Variants in PCSK1 observed in about 807,000 individuals in gnomAD.
The protein encoded by PCSK1 is proprotein convertase subtilisin/kexin type 1, also known as neuroendocrine convertase 1.
A neutral mutation model predicts 90.6 loss-of-function variants in PCSK1; 56 were observed. The ratio of observed to expected loss-of-function variants is 0.62; its 90% CI spans 0.50 to 0.77. PCSK1 has a LOEUF of 0.77. Among genes scored for constraint, PCSK1 ranks in the 30% least tolerant of loss-of-function variants. The probability of loss-of-function intolerance (pLI) is 0.00; values close to 1 mark genes in which losing one functional copy is unlikely to be tolerated. For missense variants in PCSK1, 801 were observed against 932.6 expected (o/e 0.86, Z 1.84); for synonymous variants, 348 against 342.4 (o/e 1.02, Z -0.18).
intron 3 of PCSK1, among the ~76,000 whole-genome samples, chr5:96,424,273 TG>T (rs1761215365): frequency 1.3e-5 from 2 of 152,150 alleles, no homozygotes; most frequent in African/African-American, 4.8e-5. Context: ...ATAAAGAGGT[TG>T]GGGGGTGGGG....
chr5:96,407,629 C>G (rs1760617312), intron 9 of PCSK1, among the ~76,000 whole-genome samples: 1 of 152,164 alleles, frequency 6.6e-6, no homozygotes, highest in East Asian at 1.9e-4. Flanking sequence ...GAGATGACAA[C>G]TAATATTTAC....
At chr5:96,430,660 G>A (rs777325221) in intron 1 of PCSK1, among the ~76,000 whole-genome samples, 3 of 152,168 alleles carry the variant, frequency 2.0e-5, no homozygotes, top group South Asian at 4.1e-4. Context: ...GAAATAAGCA[G>A]AACCAGGAAC....
At chr5:96,426,517 C>T (rs1761312919) in intron 2 of PCSK1, among the ~76,000 whole-genome samples, 1 of 152,180 alleles carries the variant, frequency 6.6e-6, no homozygotes. Context: ...ATGAGCACTA[C>T]TGACCACGCA....
chr5:96,413,569 G>A (rs1353359487), intron 6 of PCSK1, among the ~76,000 whole-genome samples: 1 of 152,140 alleles, frequency 6.6e-6, no homozygotes, highest in East Asian at 1.9e-4. Context: ...GGAGGCCGAG[G>A]TGGGTGGATC....
At chr5:96,429,987 C>T (rs1012058817) in intron 1 of PCSK1, among the ~76,000 whole-genome samples, 1 of 152,164 alleles carries the variant, frequency 6.6e-6, no homozygotes, top group African/African-American at 2.4e-5. Context: ...GGTAAGCAGG[C>T]AAACACCTGG....
At chr5:96,393,484 A>G in intron 13 of PCSK1, 106 bp from the exon 14 acceptor site, 3 of 1,320,366 alleles carry the variant, frequency 2.3e-6, no homozygotes, top group Non-Finnish European at 3.2e-6. Context: ...CTTGAGAGGC[A>G]ATGAGGGGAG....
At chr5:96,421,125 T>C (rs1187501313) in intron 5 of PCSK1, among the ~76,000 whole-genome samples, 1 of 152,148 alleles carries the variant, frequency 6.6e-6, no homozygotes, top group Non-Finnish European at 1.5e-5. Flanking sequence ...GAGCGTGAAG[T>C]TTCTTTGGGG....
At chr5:96,416,142 AT>A in intron 5 of PCSK1, 21 bp from the exon 6 acceptor site, 1 of 1,475,570 alleles carries the variant, frequency 6.8e-7, no homozygotes, top group Non-Finnish European at 9.5e-7. Context: ...AAAAATAAGA[AT>A]TATAAAACAT....
In PCSK1 at chr5:96,433,008, G is replaced by A; in HGVS notation, c.35C>T (p.Ala12Val). 2.5e-6 allele frequency: 4 copies of A among 1,614,234 alleles called. No individual in the cohort carries two copies. Among genetic ancestry groups the A allele is most frequent in the South Asian group, 2.2e-5 (2 of 91,088 alleles). ...ACACCAAGCGCAAAAGAGGACGAAA[G>A]CAGTGCACTGCAGACTCCAGGCTCT... Reference protein sequence around the residue: ...ERRAWSLQCTAFVLFCAWCAL... With the variant: ...ERRAWSLQCTVFVLFCAWCAL... Residue 12 changes from alanine to valine, a missense_variant, in exon 1 of 14, where the codon GCT (alanine) becomes GTT (valine). Physicochemically the swap from Ala to Val is moderately conservative, Grantham distance 64. Transcript: ENST00000311106.
chr5:96,427,354 A>G (rs1486697656), intron 2 of PCSK1, among the ~76,000 whole-genome samples: 1 of 152,190 alleles, frequency 6.6e-6, no homozygotes, highest in African/African-American at 2.4e-5. Flanking sequence ...AATGGTATAG[A>G]GGAAAATTGG....
intron 8 of PCSK1, among the ~76,000 whole-genome samples, chr5:96,409,391 A>G (rs1309378010): frequency 1.3e-5 from 2 of 152,204 alleles, no homozygotes; most frequent in East Asian, 3.8e-4. Context: ...TGCGGAAGCA[A>G]GGTTGCCCTT....
At chr5:96,412,752 G>GTTTTTTTGTTTTTTT (rs1760802563) in intron 6 of PCSK1, among the ~76,000 whole-genome samples, 1 of 71,832 alleles carries the variant, frequency 1.4e-5, no homozygotes, top group African/African-American at 9.0e-5. Context: ...CAGCTGTGAT[G>GTTTTTTTGTTTTTTT]TTTTTTTTTT....
At chr5:96,402,433 GCCT>G (rs1451428565) in intron 9 of PCSK1, among the ~76,000 whole-genome samples, 2 of 152,100 alleles carry the variant, frequency 1.3e-5, no homozygotes, top group African/African-American at 4.8e-5. Flanking sequence ...CCTTGGTCAG[GCCT>G]CCTCGTGGAG....
At chr5:96,425,060 G>GAAAGAAAT (rs1358160564) in intron 3 of PCSK1, among the ~76,000 whole-genome samples, 4 of 126,498 alleles carry the variant, frequency 3.2e-5, no homozygotes, top group Non-Finnish European at 7.0e-5. Context: ...AAGAAAGAAA[G>GAAAGAAAT]AAAGAAAGAA....
At chr5:96,403,250 A>G (rs896803295) in intron 9 of PCSK1, among the ~76,000 whole-genome samples, 5 of 152,162 alleles carry the variant, frequency 3.3e-5, no homozygotes, top group Admixed American at 6.5e-5. Flanking sequence ...ATGCAATTAG[A>G]AAAACCTATT....
rs1760000286 is a variant in PCSK1, at chr5:96,392,991, C to T, written c.*10G>A. ...CATGAATATTTCCAACTTGGGACCA[C>T]ACACTTATTTTAATTTTCCTCATTC... On this transcript the variant is annotated 3_prime_UTR_variant, in exon 14 of 14. Transcript: ENST00000311106. 2 of 1,613,854 alleles carry T rather than the reference C, an allele frequency of 1.2e-6. No individual in the cohort carries two copies. Among genetic ancestry groups the T allele is most frequent in the African/African-American group, 1.3e-5 (1 of 74,906 alleles).
chr5:96,412,563 T>C, intron 6 of PCSK1, 73 bp from the exon 7 acceptor site: 2 of 1,326,152 alleles, frequency 1.5e-6, no homozygotes, highest in Non-Finnish European at 2.2e-6. Flanking sequence ...CCAATACTCT[T>C]ACTATTTGTA....
chr5:96,427,968 C>A (rs1235047609), intron 2 of PCSK1, among the ~76,000 whole-genome samples: 1 of 152,034 alleles, frequency 6.6e-6, no homozygotes, highest in African/African-American at 2.4e-5. Context: ...TTTGGTCTCC[C>A]ACATCAAGCA....
chr5:96,408,095 A>G (rs1580753040), intron 9 of PCSK1, 128 bp downstream of exon 9: 8 of 714,510 alleles, frequency 1.1e-5, no homozygotes. Flanking sequence ...AAGTGGCAGG[A>G]AAGAGCTTAT....
Sources: gnomAD v4.1 joint callset for allele counts (sites outside exome capture counted in the v4.1 genomes callset) on GRCh38, gnomAD v4.1.1 for gene constraint, MANE v1.5 for transcripts, NCBI Gene and HGNC (gene_info 2026-07-23, HGNC 2026-07-21) for gene names.